The following TRIP11 variants were observed in gnomAD, a reference collection of about 807,000 sequenced individuals.
TRIP11 encodes thyroid hormone receptor interactor 11, also known as thyroid receptor-interacting protein 11.
In TRIP11, 148 loss-of-function variants were observed where a neutral mutation model predicts 223.1. The ratio of observed to expected loss-of-function variants is 0.66; its 90% CI spans 0.58 to 0.76. TRIP11 has a LOEUF of 0.76. TRIP11 is among the 30% of genes least tolerant of loss of function. The pLI is 0.00. For synonymous variants in TRIP11, 762 were observed against 772.6 expected, an observed-to-expected ratio of 0.99 and a Z score of 0.23; for missense variants, 2,043 against 2,222.0, an observed-to-expected ratio of 0.92 and a Z score of 1.62.
chr14:91,991,160 T>G (rs1408793395), intron 15 of TRIP11, among the ~76,000 whole-genome samples: 1 of 152,140 alleles, frequency 6.6e-6, no homozygotes, highest in Non-Finnish European at 1.5e-5. Flanking sequence ...CCCTCATGAA[T>G]AGATTAATGT....
intron 11 of TRIP11, 83 bp downstream of exon 11, chr14:92,003,336 C>T: frequency 6.4e-7 from 1 of 1,553,562 alleles, no homozygotes; most frequent in South Asian, 1.1e-5. Context: ...CAGTCCCCTT[C>T]AAAGACAATA....
chr14:92,020,125 G>C (rs113157454), intron 4 of TRIP11, among the ~76,000 whole-genome samples: 8 of 151,828 alleles, frequency 5.3e-5, no homozygotes, highest in African/African-American at 1.9e-4. Flanking sequence ...GGTGGCGGGC[G>C]CCTGTAATCC....
At chr14:91,983,347 T>A (rs188725320) in intron 16 of TRIP11, among the ~76,000 whole-genome samples, 1 of 152,212 alleles carries the variant, frequency 6.6e-6, no homozygotes, top group Non-Finnish European at 1.5e-5. Context: ...AATGATTGAT[T>A]TTCTCTGGGA....
intron 2 of TRIP11, among the ~76,000 whole-genome samples, chr14:92,025,888 A>G (rs978790512): frequency 2.0e-5 from 3 of 151,906 alleles, no homozygotes; most frequent in South Asian, 4.1e-4. Context: ...CAAAAAAAAA[A>G]AAAAAAAGCA....
rs1194490186 is a variant in TRIP11 at position 92,025,387 on chromosome 14, C to A, written c.235G>T (p.Glu79Ter). 1 of 1,613,112 alleles carries A rather than the reference C, an allele frequency of 6.2e-7. No homozygotes were observed. Residue 79 changes from glutamate to a stop codon, truncating the protein, a stop_gained, in exon 3 of 21, where the codon GAA becomes TAA. Coordinates refer to ENST00000267622, the MANE Select transcript of TRIP11 (RefSeq NM_004239.4). LOFTEE classifies it high-confidence loss of function. ...ATCTCTGATGCTTCATGTTTCTCTT[C>A]TAGATCAGTACAAAGTTTCTTAAGC... ...ERLKKLCTDL[E>*]EKHEASEIQI... is the part of the protein sequence containing the mutation.
intron 16 of TRIP11, among the ~76,000 whole-genome samples, chr14:91,976,952 ACT>A (rs1390898299): frequency 1.3e-5 from 2 of 152,168 alleles, no homozygotes; most frequent in Non-Finnish European, 2.9e-5. Flanking sequence ...GGACTAAGGA[ACT>A]CTCAGTCAAA....
intron 2 of TRIP11, among the ~76,000 whole-genome samples, chr14:92,031,088 A>G (rs1007238465): frequency 1.3e-5 from 2 of 151,948 alleles, no homozygotes; most frequent in Admixed American, 6.6e-5. Flanking sequence ...CGTCTCTACA[A>G]AAAATTTTAT....
In TRIP11 at chr14:91,968,937, T is replaced by C. The variant is rs2140076263; in HGVS notation, c.*736A>G. On this transcript the variant is annotated 3_prime_UTR_variant, in exon 21 of 21. Coordinates refer to ENST00000267622, the MANE Select transcript of TRIP11 (RefSeq NM_004239.4). ...ATGGAAGTCTTCCGTGTCTTGCCTGTGGTGGTAGTCACATGAATTTACACA... is the reference window on the plus strand; with the variant it reads ...ATGGAAGTCTTCCGTGTCTTGCCTGCGGTGGTAGTCACATGAATTTACACA... 4.3e-6 allele frequency: 1 copy of C among 231,120 alleles called. No individual in the cohort carries two copies. Among genetic ancestry groups the C allele is most frequent in the Admixed American group, 5.6e-5 (1 of 17,720 alleles). 14.3% of individuals were successfully genotyped at this position (231,120 alleles called of 1,614,324 possible). A position where few individuals can be genotyped will look rare whatever the true frequency, so the allele number is the denominator to read the frequency against.
chr14:91,994,877 C>A (rs2056728721), intron 14 of TRIP11, among the ~76,000 whole-genome samples: 1 of 152,120 alleles, frequency 6.6e-6, no homozygotes, highest in African/African-American at 2.4e-5. Context: ...AATGTAGTTA[C>A]CTCAAAGCAT....
intron 11 of TRIP11, among the ~76,000 whole-genome samples, chr14:92,002,528 A>T (rs1251494819): frequency 6.6e-6 from 1 of 151,942 alleles, no homozygotes; most frequent in Non-Finnish European, 1.5e-5. Context: ...TTTTAAAAAA[A>T]TTTCTAACCC....
At position 92,011,036 on chromosome 14, in the gene TRIP11, T is replaced by C. The variant is rs771303510; in HGVS notation, c.1264A>G (p.Met422Val). The change falls in exon 9 of 21, where the codon ATG (methionine) becomes GTG (valine). Residue 422 changes from methionine (M) to valine (V), a missense_variant. Transcript: ENST00000267622. Reference protein sequence around the residue: ...SLAEDNLKLKMRIEVLEKEKS... With the variant: ...SLAEDNLKLKVRIEVLEKEKS... ...TCTTTTTCTAAAACTTCGATACGCATTTTAAGTTTCAGATTGTCTTCAGCA... is the reference window on the plus strand; with the variant it reads ...TCTTTTTCTAAAACTTCGATACGCACTTTAAGTTTCAGATTGTCTTCAGCA... 7 of 1,613,954 alleles carry C rather than the reference T, an allele frequency of 4.3e-6. No homozygotes were observed. The highest frequency in any genetic ancestry group is 5.9e-6 in the Non-Finnish European group (7 of 1,179,996).
At chr14:91,994,368 C>T (rs980100375) in intron 14 of TRIP11, among the ~76,000 whole-genome samples, 2 of 151,132 alleles carry the variant, frequency 1.3e-5, no homozygotes, top group East Asian at 1.9e-4. Flanking sequence ...GGGTTCAAGC[C>T]GAGTAGCTGG....
chr14:91,986,294 A>G (rs111973227), intron 16 of TRIP11, among the ~76,000 whole-genome samples: 3,622 of 152,274 alleles, frequency 0.024, 157 homozygotes, highest in African/African-American at 0.082. Flanking sequence ...CAGGTTGAGT[A>G]TCCCTTACCC....
rs139748129 is a variant in TRIP11 at position 92,036,998 on chromosome 14, G to A, written c.139+2549C>T. On this transcript the variant is annotated intron_variant, in intron 1 of 20. Coordinates refer to ENST00000267622, the MANE Select transcript of TRIP11 (RefSeq NM_004239.4). ...TCCCACTTTAGCCTCCCAAAATGCT[G>A]AGATTACAGGTATGAACCACACCTG... Among the ~76,000 whole-genome samples the A allele has an allele frequency of 6.8e-3, 1,032 of 152,222 alleles. 11 individuals are homozygous for A. The highest frequency in any genetic ancestry group is 0.023 in the African/African-American group (968 of 41,524).
chr14:92,038,817 A>G (rs1337329646), intron 1 of TRIP11, among the ~76,000 whole-genome samples: 4 of 152,208 alleles, frequency 2.6e-5, no homozygotes, highest in African/African-American at 9.6e-5. Flanking sequence ...AATAGTAATT[A>G]ATGGATAGTA....
In TRIP11 at chr14:92,011,094, G is replaced by C. The variant is rs1317542509; in HGVS notation, c.1228-22C>G. 4.4e-6 allele frequency: 7 copies of C among 1,607,178 alleles called. No individual in the cohort carries two copies. In the African/African-American group the frequency reaches 9.4e-5, roughly 21 times the overall value. ...TATCCTACAAAAATGTTAAAGCAGT[G>C]TTTTCAGGTAACAAGAAATTTCCAG... On this transcript the variant is annotated intron_variant, in intron 8 of 20. Coordinates refer to ENST00000267622, the MANE Select transcript of TRIP11 (RefSeq NM_004239.4).
intron 7 of TRIP11, among the ~76,000 whole-genome samples, chr14:92,013,724 A>T (rs2057002117): frequency 1.3e-5 from 2 of 152,224 alleles, no homozygotes; most frequent in African/African-American, 4.8e-5. Flanking sequence ...AAGTAAACTT[A>T]TTTTTTAAAA....
intron 15 of TRIP11, among the ~76,000 whole-genome samples, chr14:91,990,842 A>C (rs2056662798): frequency 1.3e-5 from 2 of 152,246 alleles, no homozygotes; most frequent in Non-Finnish European, 2.9e-5. Context: ...CTGGACTTCC[A>C]TTCTAGCAGT....
chr14:92,018,261 AT>A (rs535769740), intron 4 of TRIP11, among the ~76,000 whole-genome samples: 24 of 148,858 alleles, frequency 1.6e-4, no homozygotes, highest in Admixed American at 4.7e-4. Flanking sequence ...TGCTTAGCTA[AT>A]TTTTTTTTTG....
Sources: allele counts gnomAD v4.1 joint callset (sites outside exome capture counted in the v4.1 genomes callset), GRCh38; gene constraint gnomAD v4.1.1; transcripts MANE v1.5; gene names NCBI Gene and HGNC (gene_info 2026-07-23, HGNC 2026-07-21).